TXNRD2: variants seen among roughly 807,000 people sequenced by gnomAD.
The protein encoded by TXNRD2 is thioredoxin reductase 2, also known as thioredoxin reductase 2, mitochondrial.
A neutral mutation model predicts 70.8 loss-of-function variants in TXNRD2; 67 were observed. The ratio of observed to expected loss-of-function variants is 0.95; its 90% CI spans 0.78 to 1.16. TXNRD2 has a LOEUF of 1.16. Ranked by LOEUF, TXNRD2 falls within the 50% of genes most tolerant of loss-of-function variation. TXNRD2 has a pLI of 0.00. For missense variants in TXNRD2, 644 were observed against 719.9 expected (o/e 0.89, Z 1.21); for synonymous variants, 301 against 295.8 (o/e 1.02, Z -0.18).
intron 7 of TXNRD2, chr22:19,914,993 A>C: frequency 7.2e-6 from 4 of 558,712 alleles, no homozygotes; most frequent in Middle Eastern, 3.7e-4. Context: ...GAGCAGAACG[A>C]GAGCTGTCCT....
chr22:19,878,170 C>A lies in TXNRD2; in HGVS notation c.1365G>T (p.Glu455Asp). Residue 455 changes from glutamate (E) to aspartate (D), a missense_variant, in exon 16 of 18, where the codon GAG (glutamate) becomes GAT (aspartate). Around this residue, in one of 3 missense-constraint regions of TXNRD2, gnomAD observed 566 missense variants for 645.0 expected, o/e 0.88. Transcript: ENST00000400521. ...QCYVKMVCLR[E>D]PPQLVLGLHF... Reference sequence around the variant, plus strand: ...GCAGGCCCAGCACCAGCTGTGGGGGCTCCCTCAGGCACACCATCTGAAAGC... The same window carrying A: ...GCAGGCCCAGCACCAGCTGTGGGGGATCCCTCAGGCACACCATCTGAAAGC... The A allele has an allele frequency of 6.2e-7, 1 of 1,613,222 alleles. No homozygotes were observed. The highest frequency in any genetic ancestry group is 8.5e-7 in the Non-Finnish European group (1 of 1,179,994).
chr22:19,891,941 T>C (rs1488255214), intron 11 of TXNRD2, among the ~76,000 whole-genome samples: 1 of 152,242 alleles, frequency 6.6e-6, no homozygotes, highest in Admixed American at 6.5e-5. Context: ...CCAATGTCCA[T>C]GGTCCTCGCC....
intron 1 of TXNRD2, among the ~76,000 whole-genome samples, chr22:19,939,706 T>C (rs943850999): frequency 6.6e-6 from 1 of 152,168 alleles, no homozygotes; most frequent in Non-Finnish European, 1.5e-5. Flanking sequence ...ATGCACCTGG[T>C]TGTATCCATC....
At chr22:19,887,686 C>T (rs1939091756) in intron 11 of TXNRD2, 1 of 152,364 alleles carries the variant, frequency 6.6e-6, no homozygotes, top group Non-Finnish European at 1.5e-5. Flanking sequence ...AGCCCGGAAA[C>T]CAGGAAGACT....
intron 11 of TXNRD2, among the ~76,000 whole-genome samples, chr22:19,892,867 C>G (rs768315792): frequency 1.1e-4 from 17 of 152,152 alleles, no homozygotes; most frequent in Admixed American, 1.1e-3. Context: ...CTCCAGAGTC[C>G]AAAATGTTAC....
intron 2 of TXNRD2, among the ~76,000 whole-genome samples, chr22:19,920,840 T>G (rs149066518): frequency 9.9e-5 from 15 of 152,228 alleles, no homozygotes; most frequent in Non-Finnish European, 2.1e-4. Context: ...CAGCGGCTCA[T>G]GCCTGTAATC....
At chr22:19,902,174 C>A (rs565724803) in intron 8 of TXNRD2, among the ~76,000 whole-genome samples, 1 of 152,244 alleles carries the variant, frequency 6.6e-6, no homozygotes, top group South Asian at 2.1e-4. Context: ...CAGAGTGAGA[C>A]CCTGTCTCTA....
intron 12 of TXNRD2, 28 bp downstream of exon 12, chr22:19,883,297 G>A: frequency 2.5e-6 from 4 of 1,609,146 alleles, no homozygotes; most frequent in African/African-American, 1.3e-5. Flanking sequence ...CAGGGGCAGG[G>A]GCCCTGGTCC....
At chr22:19,922,178 A>T (rs1377291936) in intron 2 of TXNRD2, among the ~76,000 whole-genome samples, 2 of 152,248 alleles carry the variant, frequency 1.3e-5, no homozygotes, top group African/African-American at 2.4e-5. Context: ...AAATCAGTCA[A>T]TGGAGACTGA....
intron 11 of TXNRD2, chr22:19,891,863 C>T (rs1422169245): frequency 6.6e-6 from 1 of 152,302 alleles, no homozygotes; most frequent in Non-Finnish European, 1.5e-5. Flanking sequence ...ACGTGGAGAT[C>T]AAGGCTGCGT....
intron 2 of TXNRD2, among the ~76,000 whole-genome samples, chr22:19,926,986 T>A (rs190032354): frequency 7.9e-6 from 1 of 125,814 alleles, no homozygotes; most frequent in Non-Finnish European, 1.7e-5. Flanking sequence ...CATACATGGA[T>A]TTTTTTTCAA....
chr22:19,941,043 T>C lies in TXNRD2; in HGVS notation c.103+658A>G, dbSNP rs559921342. Among the ~76,000 whole-genome samples the C allele has an allele frequency of 4.6e-5, 7 of 152,202 alleles. No homozygotes were observed. In the South Asian group the frequency reaches 1.5e-3, roughly 32 times the overall value. ...GGAGAGCTGCTCGCTGTCACAAGCA[T>C]CCAGGGGGCTGGGTCGAGGGGCCCC... On this transcript the variant is annotated intron_variant, in intron 1 of 17. Transcript: ENST00000400521.
intron 11 of TXNRD2, among the ~76,000 whole-genome samples, chr22:19,886,804 C>T (rs1463533924): frequency 6.6e-6 from 1 of 152,244 alleles, no homozygotes; most frequent in African/African-American, 2.4e-5. Flanking sequence ...CAGCATTTGC[C>T]AAGTGCTGCT....
Position 19,918,844 on chromosome 22 carries a change from G to C in TXNRD2, c.374+16C>G. 5 of 1,604,568 alleles carry C rather than the reference G, an allele frequency of 3.1e-6. No individual in the cohort carries two copies. The highest frequency in any genetic ancestry group is 4.2e-6 in the Non-Finnish European group (5 of 1,179,766). ...TAGAAGAAAAGCACTGGAATGCCAC[G>C]GCGCCAGATCCTTACCAGTCATGCG... is the stretch of plus-strand genomic sequence containing the variant. On this transcript the variant is annotated intron_variant, in intron 4 of 17. Coordinates refer to ENST00000400521, the MANE Select transcript of TXNRD2 (RefSeq NM_006440.5).
intron 2 of TXNRD2, among the ~76,000 whole-genome samples, chr22:19,920,402 A>T (rs527803421): frequency 5.3e-5 from 8 of 152,106 alleles, no homozygotes; most frequent in African/African-American, 1.9e-4. Flanking sequence ...ACATGGTAAA[A>T]CGTGTCTCCA....
Position 19,918,844 on chromosome 22 carries a change from G to A in TXNRD2, c.374+16C>T, listed in dbSNP as rs141500917. 6.5e-5 allele frequency: 104 copies of A among 1,604,450 alleles called. No homozygotes were observed. Among genetic ancestry groups the A allele is most frequent in the East Asian group, 2.7e-4 (12 of 44,858 alleles). ...TAGAAGAAAAGCACTGGAATGCCAC[G>A]GCGCCAGATCCTTACCAGTCATGCG... On this transcript the variant is annotated intron_variant, in intron 4 of 17. Coordinates refer to ENST00000400521, the MANE Select transcript of TXNRD2 (RefSeq NM_006440.5).
intron 11 of TXNRD2, among the ~76,000 whole-genome samples, chr22:19,885,186 G>T (rs1178277162): frequency 6.6e-6 from 1 of 152,226 alleles, no homozygotes; most frequent in South Asian, 2.1e-4. Context: ...CAGGCCAGCG[G>T]ATGGCCACAG....
intron 1 of TXNRD2, among the ~76,000 whole-genome samples, chr22:19,935,835 G>A (rs2146104017): frequency 6.6e-6 from 1 of 152,338 alleles, no homozygotes; most frequent in East Asian, 1.9e-4. Context: ...ATTCCCTTTG[G>A]TAGGTGCGGA....
At chr22:19,898,154 A>G (rs1939601396) in intron 9 of TXNRD2, 24 bp from the exon 10 acceptor site, 2 of 1,549,962 alleles carry the variant, frequency 1.3e-6, no homozygotes, top group African/African-American at 2.7e-5. Flanking sequence ...GCTAAGGAGC[A>G]CTGTAGATCC....
Sources: gnomAD v4.1 joint callset for allele counts (sites outside exome capture counted in the v4.1 genomes callset) on GRCh38, gnomAD v4.1.1 for gene constraint, gnomAD v4.1.1 regional missense constraint, MANE v1.5 for transcripts, NCBI Gene and HGNC (gene_info 2026-07-23, HGNC 2026-07-21) for gene names.